Variants in TRIP12 observed in about 807,000 individuals in gnomAD.
The protein encoded by TRIP12 is E3 ubiquitin-protein ligase TRIP12.
A neutral mutation model predicts 244.2 loss-of-function variants in TRIP12; 25 were observed. The ratio of observed to expected loss-of-function variants is 0.10; its 90% CI spans 0.07 to 0.14. The LOEUF is 0.14. Ranked by LOEUF, TRIP12 falls within the 10% of genes least tolerant of loss-of-function variation. The pLI is 1.00. For synonymous variants in TRIP12, 905 were observed against 873.1 expected, an observed-to-expected ratio of 1.04 and a Z score of -0.64; for missense variants, 1,677 against 2,486.4, an observed-to-expected ratio of 0.67 and a Z score of 6.92.
In TRIP12 at chr2:229,800,177, G is replaced by A. The variant is rs752195309; in HGVS notation, c.3207-794C>T. ...ATCTGCCTCTAACATACTACCCAAA[G>A]TAATTTCATAGTGTGACAATGGCAA... On this transcript the variant is annotated intron_variant, in intron 21 of 41. Coordinates refer to ENST00000675903, the MANE Select transcript of TRIP12 (RefSeq NM_001348323.3). Among the ~76,000 whole-genome samples the A allele has an allele frequency of 4.5e-4, 69 of 152,052 alleles. 1 individual carries two copies. The highest frequency in any genetic ancestry group is 9.3e-4 in the Non-Finnish European group (63 of 68,004).
intron 5 of TRIP12, among the ~76,000 whole-genome samples, chr2:229,838,970 C>T (rs2055600850): frequency 6.6e-6 from 1 of 152,172 alleles, no homozygotes; most frequent in Non-Finnish European, 1.5e-5. Context: ...GACCTTTCTG[C>T]TAACCTGAGT....
intron 17 of TRIP12, 46 bp from the exon 18 acceptor site, chr2:229,805,929 C>T: frequency 1.4e-6 from 2 of 1,451,950 alleles, no homozygotes; most frequent in Non-Finnish European, 1.9e-6. Flanking sequence ...ATTGAGAAAT[C>T]TATTACCTTA....
At chr2:229,864,077 TGCAC>T (rs1167633090) in intron 2 of TRIP12, among the ~76,000 whole-genome samples, 3 of 140,548 alleles carry the variant, frequency 2.1e-5, no homozygotes, top group Admixed American at 7.2e-5. Flanking sequence ...TGTGTGTGTG[TGCAC>T]GCGCACACGT....
At position 229,792,223 on chromosome 2, in the gene TRIP12, T is replaced by A; in HGVS notation, c.4145A>T (p.Tyr1382Phe). Residue 1382 changes from tyrosine (Y) to phenylalanine (F), a missense_variant, in exon 28 of 42, where the codon TAT becomes TTT. Physicochemically the swap from Tyr to Phe is conservative, Grantham distance 22 (BLOSUM62 3). Around this residue, in one of 11 missense-constraint regions of TRIP12, gnomAD observed 265 missense variants for 370.8 expected, o/e 0.71. Transcript: ENST00000675903. ...TTCATCATCTTCTCTTACTCTTCCA[T>A]ACCCTGAAGACCCAAGTAGACTTTT... Reference protein sequence around the residue: ...AIERYLVVRGYGRVREDDEDS... With the variant: ...AIERYLVVRGFGRVREDDEDS... The A allele has an allele frequency of 6.2e-7, 1 of 1,613,766 alleles. No homozygotes were observed. Among genetic ancestry groups the A allele is most frequent in the South Asian group, 1.1e-5 (1 of 91,048 alleles).
chr2:229,831,875 T>G (rs1441486833), intron 6 of TRIP12, among the ~76,000 whole-genome samples: 4 of 117,148 alleles, frequency 3.4e-5, no homozygotes, highest in Non-Finnish European at 4.9e-5. Flanking sequence ...GTTTTTTTTG[T>G]TTGTTTTTTG....
At chr2:229,870,255 T>G (rs1576392516) in intron 2 of TRIP12, among the ~76,000 whole-genome samples, 2 of 152,230 alleles carry the variant, frequency 1.3e-5, no homozygotes, top group East Asian at 3.8e-4. Context: ...ATAATCTTTT[T>G]AATAATTCAA....
At chr2:229,798,310 C>A (rs1020703292) in intron 23 of TRIP12, among the ~76,000 whole-genome samples, 1 of 152,084 alleles carries the variant, frequency 6.6e-6, no homozygotes, top group African/African-American at 2.4e-5. Context: ...TATTTTTATA[C>A]ACTGAAATTA....
In TRIP12 at chr2:229,796,771, T is replaced by A. The variant is rs879028246; in HGVS notation, c.3636A>T (p.Gly1212=). 5.1e-6 allele frequency: 8 copies of A among 1,576,078 alleles called. No homozygotes were observed. The South Asian group carries it at 5.9e-5, about 12-fold the overall frequency. Residue 1212 remains glycine (G), a synonymous_variant, in exon 25 of 42, where the codon GGA becomes GGT. Transcript: ENST00000675903. ...TEQLNLQVDG[G]AECLVEIRSI... ...TACGGATTTCTACAAGGCACTCAGC[T>A]CCACCATCCACCTGAAAGAGTTAGG...
At chr2:229,855,313 C>T (rs982813793) in intron 4 of TRIP12, among the ~76,000 whole-genome samples, 15 of 151,970 alleles carry the variant, frequency 9.9e-5, no homozygotes, top group African/African-American at 2.9e-4. Flanking sequence ...TATACAAGAC[C>T]GATGAGGAAC....
intron 13 of TRIP12, among the ~76,000 whole-genome samples, chr2:229,812,866 A>G (rs2047608927): frequency 6.6e-6 from 1 of 152,154 alleles, no homozygotes; most frequent in Non-Finnish European, 1.5e-5. Context: ...TTATGAACCT[A>G]TTTTCCCTGG....
rs754159267 is a variant in TRIP12 at position 229,791,194 on chromosome 2, T to C, written c.4473A>G (p.Arg1491=). 1.2e-6 allele frequency: 2 copies of C among 1,614,118 alleles called. No homozygotes were observed. Among genetic ancestry groups the C allele is most frequent in the Admixed American group, 3.3e-5 (2 of 60,022 alleles). ...TCGTTGGAGCTGTTTGGGCTCTTCCTCTTTTACCACCAACACAATCTTTAT... is the reference window on the plus strand; with the variant it reads ...TCGTTGGAGCTGTTTGGGCTCTTCCCCTTTTACCACCAACACAATCTTTAT... ...ESNKDCVGGK[R]GRAQTAPTKT... The change falls in exon 30 of 42, where the codon AGA becomes AGG. Residue 1491 remains arginine, a synonymous_variant. Transcript: ENST00000675903.
chr2:229,858,324 C>T (rs2059956191), intron 4 of TRIP12, among the ~76,000 whole-genome samples: 1 of 152,202 alleles, frequency 6.6e-6, no homozygotes, highest in African/African-American at 2.4e-5. Flanking sequence ...GACTGCGCCA[C>T]TGCACTCCAG....
At chr2:229,873,755 T>TAA (rs2154348705) in intron 2 of TRIP12, among the ~76,000 whole-genome samples, 1 of 152,236 alleles carries the variant, frequency 6.6e-6, no homozygotes, top group Non-Finnish European at 1.5e-5. Flanking sequence ...AGAAAAATAA[T>TAA]AAATAGAAGG....
chr2:229,851,191 G>A (rs1390927526), intron 4 of TRIP12, among the ~76,000 whole-genome samples: 1 of 152,208 alleles, frequency 6.6e-6, no homozygotes, highest in Admixed American at 6.5e-5. Context: ...GAGTCTGGTG[G>A]GGACGTGGAG....
intron 8 of TRIP12, 80 bp downstream of exon 8, chr2:229,829,113 A>G (rs972378370): frequency 2.3e-6 from 3 of 1,307,176 alleles, no homozygotes; most frequent in Non-Finnish European, 2.2e-6. Context: ...ACTTCTTAAT[A>G]CTTACATCAA....
intron 15 of TRIP12, among the ~76,000 whole-genome samples, chr2:229,809,433 C>T (rs753022983): frequency 2.6e-5 from 4 of 151,816 alleles, no homozygotes; most frequent in Non-Finnish European, 4.4e-5. Context: ...TGGTAAACTG[C>T]CTGGAGCATG....
At position 229,797,867 on chromosome 2, in the gene TRIP12, T is replaced by C. The variant is rs202060746; in HGVS notation, c.3483-36A>G. ...CAAAAAGGAGATATTAAAGTCCCAG[T>C]GTATGTAGAAAGGATATAACTTCTG... On this transcript the variant is annotated intron_variant, in intron 23 of 41. Coordinates refer to ENST00000675903, the MANE Select transcript of TRIP12 (RefSeq NM_001348323.3). The C allele has an allele frequency of 1.7e-5, 28 of 1,603,100 alleles. No homozygotes were observed. In the African/African-American group the frequency reaches 3.3e-4, roughly 19 times the overall value.
At chr2:229,795,939 G>C (rs2042706669) in intron 25 of TRIP12, among the ~76,000 whole-genome samples, 1 of 152,232 alleles carries the variant, frequency 6.6e-6, no homozygotes, top group Non-Finnish European at 1.5e-5. Flanking sequence ...TGGTGAAATA[G>C]TGTTAATACA....
chr2:229,857,993 A>C (rs531108121), intron 4 of TRIP12, among the ~76,000 whole-genome samples: 2 of 152,340 alleles, frequency 1.3e-5, no homozygotes, highest in Non-Finnish European at 2.9e-5. Flanking sequence ...CATATGAAAA[A>C]GTTTAATTTA....
Sources: gnomAD v4.1 joint callset for allele counts (sites outside exome capture counted in the v4.1 genomes callset) on GRCh38, gnomAD v4.1.1 for gene constraint, gnomAD v4.1.1 regional missense constraint, MANE v1.5 for transcripts, NCBI Gene and HGNC (gene_info 2026-07-23, HGNC 2026-07-21) for gene names.